SNTB2: variants seen among roughly 807,000 people sequenced by gnomAD.
SNTB2 encodes beta-2-syntrophin.
Under a neutral mutation model 46.2 loss-of-function variants are expected in SNTB2, and 34 were observed. The observed-to-expected ratio is 0.74, with a 90% CI of 0.56 to 0.98. The LOEUF (loss-of-function observed/expected upper bound fraction) is 0.98, where lower values mean the gene tolerates loss of function less well. SNTB2 is among the 50% of genes least tolerant of loss of function. SNTB2 has a pLI of 0.00. For synonymous variants in SNTB2, 290 were observed against 312.6 expected, an observed-to-expected ratio of 0.93 and a Z score of 0.76; for missense variants, 603 against 731.4, an observed-to-expected ratio of 0.82 and a Z score of 2.02.
chr16:69,237,248 A>T (rs766693561), intron 1 of SNTB2, among the ~76,000 whole-genome samples: 21 of 152,186 alleles, frequency 1.4e-4, no homozygotes, highest in Non-Finnish European at 3.1e-4. Flanking sequence ...TAGGAGGAGA[A>T]AAAAGGCACT....
chr16:69,194,455 A>G (rs767115375), intron 1 of SNTB2, among the ~76,000 whole-genome samples: 7 of 152,214 alleles, frequency 4.6e-5, no homozygotes, highest in Non-Finnish European at 7.3e-5. Context: ...TTGAAAAGTA[A>G]CAATAGACAA....
chr16:69,274,527 C>T (rs1481909068), intron 4 of SNTB2, among the ~76,000 whole-genome samples: 1 of 151,908 alleles, frequency 6.6e-6, no homozygotes, highest in East Asian at 1.9e-4. Context: ...GTGGCGGGCG[C>T]CTGTGGTCCC....
At chr16:69,211,358 C>G (rs1056367499) in intron 1 of SNTB2, among the ~76,000 whole-genome samples, 1 of 151,516 alleles carries the variant, frequency 6.6e-6, no homozygotes, top group Non-Finnish European at 1.5e-5. Flanking sequence ...TTTAATAATT[C>G]TTTAGTTACT....
rs13337771 is a variant in SNTB2, at chr16:69,274,453, A to G, written c.1148+4168A>G. Among the ~76,000 whole-genome samples the G allele has an allele frequency of 4.3e-3, 658 of 152,126 alleles. 9 individuals are homozygous for G. Among genetic ancestry groups the G allele is most frequent in the African/African-American group, 0.015 (625 of 41,508 alleles). On this transcript the variant is annotated intron_variant, in intron 4 of 6. Transcript: ENST00000336278. ...TGGATCACGAGGTCAGGAGATTGAGACCATCCTGGCTAACACAGTGAAACC... is the reference window on the plus strand; with the variant it reads ...TGGATCACGAGGTCAGGAGATTGAGGCCATCCTGGCTAACACAGTGAAACC...
Position 69,295,493 on chromosome 16 carries a change from C to T in SNTB2, c.1346-4097C>T, listed in dbSNP as rs550491013. ...TCGAACTCCTGACCTTGTGATCCAC[C>T]CGCCTTGGCCTCCCAAAGTGCTGGG... is the stretch of plus-strand genomic sequence containing the variant. On this transcript the variant is annotated intron_variant, in intron 5 of 6. Coordinates refer to ENST00000336278, the MANE Select transcript of SNTB2 (RefSeq NM_006750.4). 1.1e-3 allele frequency among the ~76,000 whole-genome samples: 172 copies of T among 151,968 alleles called. 1 individual carries two copies. The highest frequency in any genetic ancestry group is 4.1e-3 in the African/African-American group (169 of 41,472).
At position 69,260,265 on chromosome 16, in the gene SNTB2, G is replaced by T; in HGVS notation, c.1005+5G>T. On this transcript the variant is annotated splice_donor_5th_base_variant and intron_variant, in intron 3 of 6. Coordinates refer to ENST00000336278, the MANE Select transcript of SNTB2 (RefSeq NM_006750.4). ...ATTGCCTGGCTGGCAGAACAGGTAG[G>T]CTGGGAGGCAGGGCAGAGTATCACC... The T allele has an allele frequency of 1.2e-6, 2 of 1,613,850 alleles. No individual in the cohort carries two copies. Among genetic ancestry groups the T allele is most frequent in the Non-Finnish European group, 1.7e-6 (2 of 1,179,890 alleles).
intron 5 of SNTB2, among the ~76,000 whole-genome samples, chr16:69,288,238 A>AT (rs1459049998): frequency 1.3e-5 from 2 of 152,086 alleles, no homozygotes; most frequent in African/African-American, 2.4e-5. Flanking sequence ...GATTTTCAGC[A>AT]TTTTTTAGTT....
At chr16:69,224,206 T>C (rs992517646) in intron 1 of SNTB2, among the ~76,000 whole-genome samples, 1 of 124,422 alleles carries the variant, frequency 8.0e-6, no homozygotes, top group African/African-American at 3.0e-5. Context: ...ATTTTTCCTT[T>C]GCAATTTTTT....
intron 2 of SNTB2, among the ~76,000 whole-genome samples, chr16:69,253,216 T>G (rs1369300365): frequency 6.6e-6 from 1 of 151,998 alleles, no homozygotes; most frequent in Non-Finnish European, 1.5e-5. Flanking sequence ...TCAGTTTTAA[T>G]GGTTTCTTCA....
intron 1 of SNTB2, among the ~76,000 whole-genome samples, chr16:69,188,112 C>G (rs1396467798): frequency 6.6e-6 from 1 of 151,342 alleles, no homozygotes; most frequent in East Asian, 2.0e-4. Flanking sequence ...ACTCACTCAC[C>G]TCTGGCTCCT....
chr16:69,284,382 AC>A lies in SNTB2; in HGVS notation c.1345+139del, dbSNP rs1258225307. On this transcript the variant is annotated intron_variant, in intron 5 of 6. Transcript: ENST00000336278. Reference sequence around the variant, plus strand: ...CCTCAGATTATACTACTATATTTTTACTATACCTTTTCTAAGTGTACATATG... The same window carrying A: ...CCTCAGATTATACTACTATATTTTTATATACCTTTTCTAAGTGTACATATG... 6.2e-5 allele frequency: 31 copies of A among 497,244 alleles called. No homozygotes were observed. In the Admixed American group the frequency reaches 1.1e-3, roughly 17 times the overall value. The allele number at this position is 497,244 out of a possible 1,614,324, so 30.8% of individuals were successfully genotyped here. A position where few individuals can be genotyped will look rare whatever the true frequency, so the allele number is the denominator to read the frequency against.
At chr16:69,208,603 C>G (rs981167923) in intron 1 of SNTB2, among the ~76,000 whole-genome samples, 4 of 152,018 alleles carry the variant, frequency 2.6e-5, no homozygotes, top group African/African-American at 9.7e-5. Flanking sequence ...GAGACAGATT[C>G]TGTATTTGCC....
At chr16:69,268,211 C>A (rs1367656793) in intron 3 of SNTB2, among the ~76,000 whole-genome samples, 1 of 152,178 alleles carries the variant, frequency 6.6e-6, no homozygotes, top group Non-Finnish European at 1.5e-5. Context: ...CACTTGTAAT[C>A]CCAGCACTTT....
rs74748760 is a variant in SNTB2, at chr16:69,229,842, C to CAA, written c.581-15745_581-15744dup. On this transcript the variant is annotated intron_variant, in intron 1 of 6. Transcript: ENST00000336278. Reference sequence around the variant, plus strand: ...GGGTGACAGGAGCAAGACCCTGTCTCAAAAAAAAAAAAAAAACTCACTTCA... The same window carrying CAA: ...GGGTGACAGGAGCAAGACCCTGTCTCAAAAAAAAAAAAAAAAAACTCACTTCA... Among the ~76,000 whole-genome samples, 231 of 108,094 alleles carry CAA rather than the reference C, an allele frequency of 2.1e-3. 2 individuals carry two copies. Among genetic ancestry groups the CAA allele is most frequent in the African/African-American group, 8.3e-3 (204 of 24,600 alleles). 70.9% of individuals were successfully genotyped at this position (108,094 alleles called of 152,430 possible).
intron 5 of SNTB2, among the ~76,000 whole-genome samples, chr16:69,288,046 A>G (rs1965122588): frequency 6.6e-6 from 1 of 152,064 alleles, no homozygotes; most frequent in African/African-American, 2.4e-5. Context: ...GTTTAAAAAA[A>G]AATACAGTAT....
rs1157598142 is a variant in SNTB2 at position 69,260,103 on chromosome 16, A to G, written c.848A>G (p.Lys283Arg). The change falls in exon 3 of 7, where the codon AAA becomes AGA. Residue 283 changes from lysine to arginine, a missense_variant. This residue lies in a region of SNTB2 where 537 missense variants were observed against 692.4 expected (regional missense o/e 0.78). Coordinates refer to ENST00000336278, the MANE Select transcript of SNTB2 (RefSeq NM_006750.4). ...AGGAACACGTTGATCCTACGCTGCA[A>G]AGATACAGCCACAGCACACTCCTGG... ...DSRNTLILRC[K>R]DTATAHSWFV... is the part of the protein sequence containing the mutation. The G allele has an allele frequency of 6.2e-7, 1 of 1,613,952 alleles. No individual in the cohort carries two copies. Among genetic ancestry groups the G allele is most frequent in the African/African-American group, 1.3e-5 (1 of 74,896 alleles).
intron 5 of SNTB2, among the ~76,000 whole-genome samples, chr16:69,296,462 T>G (rs1444909196): frequency 1.3e-5 from 2 of 151,944 alleles, no homozygotes; most frequent in Non-Finnish European, 2.9e-5. Flanking sequence ...GGCTCATGCC[T>G]GTAATCCCAG....
chr16:69,221,250 C>T (rs1460740751), intron 1 of SNTB2, among the ~76,000 whole-genome samples: 2 of 152,214 alleles, frequency 1.3e-5, no homozygotes, highest in Non-Finnish European at 2.9e-5. Flanking sequence ...ACATGTCCCA[C>T]TTCCTTCTAA....
intron 2 of SNTB2, among the ~76,000 whole-genome samples, chr16:69,258,224 A>G (rs1964797057): frequency 6.6e-6 from 1 of 152,210 alleles, no homozygotes; most frequent in South Asian, 2.1e-4. Flanking sequence ...GTAGCCTACC[A>G]TGAAAAACAC....
Sources: gnomAD v4.1 joint callset for allele counts (sites outside exome capture counted in the v4.1 genomes callset) on GRCh38, gnomAD v4.1.1 for gene constraint, gnomAD v4.1.1 regional missense constraint, MANE v1.5 for transcripts, NCBI Gene and HGNC (gene_info 2026-07-23, HGNC 2026-07-21) for gene names.